Variants in ZNF521 observed in about 807,000 individuals in gnomAD.
ZNF521 encodes LYST-interacting protein 3.
A neutral mutation model predicts 105.5 loss-of-function variants in ZNF521; 14 were observed. The ratio of observed to expected loss-of-function variants is 0.13; its 90% CI spans 0.09 to 0.21. The LOEUF is 0.21. ZNF521 is among the 10% of genes least tolerant of loss of function. ZNF521 has a pLI of 1.00. For missense variants in ZNF521, 1,233 were observed against 1,629.7 expected, an observed-to-expected ratio of 0.76 and a Z score of 4.19; for synonymous variants, 635 against 606.0, an observed-to-expected ratio of 1.05 and a Z score of -0.70.
At chr18:25,241,019 T>C (rs1249686264) in intron 3 of ZNF521, among the ~76,000 whole-genome samples, 2 of 149,628 alleles carry the variant, frequency 1.3e-5, no homozygotes, top group Admixed American at 6.7e-5. Flanking sequence ...TTATCACAGG[T>C]AAAAGTGCAA....
At chr18:25,099,917 C>A (rs1322529505) in intron 5 of ZNF521, among the ~76,000 whole-genome samples, 2 of 152,132 alleles carry the variant, frequency 1.3e-5, no homozygotes, top group Non-Finnish European at 2.9e-5. Flanking sequence ...AAAGTTAAAT[C>A]TATTGGGAAA....
At chr18:25,301,707 C>G (rs1347701937) in intron 3 of ZNF521, among the ~76,000 whole-genome samples, 2 of 152,048 alleles carry the variant, frequency 1.3e-5, no homozygotes, top group Admixed American at 6.6e-5. Context: ...AGCTTGTTCC[C>G]AAAGAATGGG....
chr18:25,208,145 C>T (rs2036115255), intron 4 of ZNF521, among the ~76,000 whole-genome samples: 1 of 152,058 alleles, frequency 6.6e-6, no homozygotes, highest in Non-Finnish European at 1.5e-5. Flanking sequence ...AAACATAGTC[C>T]TACTTCTAAT....
At chr18:25,248,591 T>C (rs537308277) in intron 3 of ZNF521, among the ~76,000 whole-genome samples, 1 of 152,244 alleles carries the variant, frequency 6.6e-6, no homozygotes, top group Non-Finnish European at 1.5e-5. Context: ...TTATCCTGTG[T>C]ACTTTTCTAG....
intron 3 of ZNF521, among the ~76,000 whole-genome samples, chr18:25,250,017 C>G (rs1417983296): frequency 6.6e-6 from 1 of 152,166 alleles, no homozygotes; most frequent in African/African-American, 2.4e-5. Context: ...CGGCTAACTG[C>G]AAACTCCACC....
At chr18:25,202,330 C>T (rs2036006772) in intron 4 of ZNF521, 1 of 152,094 alleles carries the variant, frequency 6.6e-6, no homozygotes, top group Admixed American at 6.6e-5. Context: ...AAAACCAATA[C>T]ATTATGACAG....
chr18:25,076,919 C>T lies in ZNF521; in HGVS notation c.3906+12546G>A, dbSNP rs552825657. Among the ~76,000 whole-genome samples, 4 of 152,294 alleles carry T rather than the reference C, an allele frequency of 2.6e-5. No individual in the cohort carries two copies. The South Asian group carries it at 8.3e-4, about 32-fold the overall frequency. ...GGTATAATCCCTTGTTCTGTTCCAA[C>T]GGAGGGAGAAGAAACAGGCAGGCTC... is the stretch of plus-strand genomic sequence containing the variant. On this transcript the variant is annotated intron_variant, in intron 7 of 7. Transcript: ENST00000361524.
intron 5 of ZNF521, among the ~76,000 whole-genome samples, chr18:25,116,893 A>ATCTATG (rs2034319851): frequency 3.8e-5 from 2 of 52,552 alleles, no homozygotes; most frequent in Non-Finnish European, 1.3e-4. Flanking sequence ...ATATACGTAT[A>ATCTATG]TATATATGTG....
intron 7 of ZNF521, among the ~76,000 whole-genome samples, chr18:25,075,506 T>C (rs955866197): frequency 1.3e-5 from 2 of 152,166 alleles, no homozygotes; most frequent in African/African-American, 4.8e-5. Context: ...TGAAAATCAT[T>C]CAAAGCGGTT....
chr18:25,181,914 G>GT (rs1259821204), intron 5 of ZNF521, among the ~76,000 whole-genome samples: 1 of 152,314 alleles, frequency 6.6e-6, no homozygotes. Context: ...AAGGAAACTG[G>GT]TGTAAATGAA....
At chr18:25,213,552 G>A (rs2036230698) in intron 4 of ZNF521, among the ~76,000 whole-genome samples, 1 of 151,782 alleles carries the variant, frequency 6.6e-6, no homozygotes, top group Admixed American at 6.6e-5. Context: ...CTAATACTTT[G>A]TTCAAAATTT....
chr18:25,277,618 G>C (rs543337051), intron 3 of ZNF521, among the ~76,000 whole-genome samples: 1 of 152,148 alleles, frequency 6.6e-6, no homozygotes, highest in Non-Finnish European at 1.5e-5. Context: ...TTATCTTTCT[G>C]TGAGGAACAC....
At chr18:25,107,583 G>T (rs2034098506) in intron 5 of ZNF521, among the ~76,000 whole-genome samples, 1 of 152,056 alleles carries the variant, frequency 6.6e-6, no homozygotes, top group Admixed American at 6.6e-5. Flanking sequence ...CTTCAAGCTG[G>T]GTATACATGG....
In ZNF521 at chr18:25,226,360, T is replaced by A. The variant is rs765194399; in HGVS notation, c.1558A>T (p.Met520Leu). ...AGGGAAGAGTCAGTGAGAAACCCCA[T>A]ATAGCAATGGGGACAAAAGAATGCA... The part of the protein sequence containing the change: ...SNAFFCPHCY[M>L]GFLTDSSLEE... Residue 520 changes from methionine to leucine, a missense_variant, in exon 4 of 8, where the codon ATG (methionine) becomes TTG (leucine). Physicochemically the swap from Met to Leu is conservative, Grantham distance 15 (BLOSUM62 2). Transcript: ENST00000361524. The surrounding 1 kb of genome is among the most constrained non-coding windows in gnomAD (Gnocchi z 4.1). 5 of 1,614,038 alleles carry A rather than the reference T, an allele frequency of 3.1e-6. No individual in the cohort carries two copies. The Admixed American group carries it at 8.3e-5, about 27-fold the overall frequency.
intron 5 of ZNF521, among the ~76,000 whole-genome samples, chr18:25,100,008 G>C (rs1395776331): frequency 6.6e-6 from 1 of 152,154 alleles, no homozygotes; most frequent in Non-Finnish European, 1.5e-5. Flanking sequence ...CCATGTGCTG[G>C]ACACGGCACT....
At chr18:25,284,849 T>A (rs1024278353) in intron 3 of ZNF521, among the ~76,000 whole-genome samples, 1 of 152,026 alleles carries the variant, frequency 6.6e-6, no homozygotes, top group African/African-American at 2.4e-5. Flanking sequence ...ACTTTTTGCA[T>A]GTAAACAAAA....
In ZNF521 at chr18:25,224,577, T is replaced by C. The variant is rs775138458; in HGVS notation, c.3341A>G (p.Asn1114Ser). Residue 1114 changes from asparagine to serine, a missense_variant, in exon 4 of 8, where the codon AAT (asparagine) becomes AGT (serine). Physicochemically the swap from Asn to Ser is conservative, Grantham distance 46. Coordinates refer to ENST00000361524, the MANE Select transcript of ZNF521 (RefSeq NM_015461.3). ...SPGINVPPGT[N>S]RPGLGQNENL... The stretch of plus-strand genomic sequence containing the variant: ...CTCATTCTGGCCCAAGCCTGGTCTA[T>C]TCGTGCCGGGAGGGACGTTAATGCC... The C allele has an allele frequency of 9.3e-6, 15 of 1,613,958 alleles. No individual in the cohort carries two copies. Among genetic ancestry groups the C allele is most frequent in the African/African-American group, 1.3e-5 (1 of 74,910 alleles).
chr18:25,247,818 A>G (rs1907835766), intron 3 of ZNF521, among the ~76,000 whole-genome samples: 1 of 152,170 alleles, frequency 6.6e-6, no homozygotes, highest in Non-Finnish European at 1.5e-5. Flanking sequence ...GCAATGGTCC[A>G]GTGAGAGGCA....
At chr18:25,201,721 A>T (rs2035996172) in intron 4 of ZNF521, 1 of 152,144 alleles carries the variant, frequency 6.6e-6, no homozygotes, top group South Asian at 2.1e-4. Context: ...TGATGCTGTA[A>T]AGTACTCATT....
Sources: gnomAD v4.1 joint callset for allele counts (sites outside exome capture counted in the v4.1 genomes callset) on GRCh38, gnomAD v4.1.1 for gene constraint, Gnocchi (gnomAD v3.1) non-coding constraint, MANE v1.5 for transcripts, NCBI Gene and HGNC (gene_info 2026-07-23, HGNC 2026-07-21) for gene names.